The following PLD5 variants were observed in gnomAD, a reference collection of about 807,000 sequenced individuals.
PLD5 encodes phospholipase D family member 5.
Under a neutral mutation model 61.1 loss-of-function variants are expected in PLD5, and 36 were observed. The ratio of observed to expected loss-of-function variants is 0.59; its 90% CI spans 0.45 to 0.78. The LOEUF (loss-of-function observed/expected upper bound fraction) is 0.78, where lower values mean the gene tolerates loss of function less well. Among genes scored for constraint, PLD5 ranks in the 30% least tolerant of loss-of-function variants. PLD5 has a pLI of 0.00. For synonymous variants in PLD5, 243 were observed against 242.8 expected (o/e 1.00, Z -0.01); for missense variants, 515 against 644.4 (o/e 0.80, Z 2.17).
At position 242,524,494 on chromosome 1, in the gene PLD5, G is replaced by A. The variant is rs1212270691; in HGVS notation, c.-218C>T. 6 of 257,976 alleles carry A rather than the reference G, an allele frequency of 2.3e-5. No homozygotes were observed. The highest frequency in any genetic ancestry group is 5.7e-5 in the Admixed American group (1 of 17,662). The allele number at this position is 257,976 out of a possible 1,614,324, so 16.0% of individuals were successfully genotyped here. ...GGAGGGGGCGATCGCGGGAGGCGCGGGGCGGAAGGAGGGAGGGCGAGGTGC... is the reference window on the plus strand; with the variant it reads ...GGAGGGGGCGATCGCGGGAGGCGCGAGGCGGAAGGAGGGAGGGCGAGGTGC... On this transcript the variant is annotated 5_prime_UTR_variant, in exon 1 of 10. Transcript: ENST00000536534.
At chr1:242,462,511 T>C (rs1667148350) in intron 1 of PLD5, among the ~76,000 whole-genome samples, 1 of 151,792 alleles carries the variant, frequency 6.6e-6, no homozygotes, top group Non-Finnish European at 1.5e-5. Context: ...AAACTACTTA[T>C]GCTCACCGCC....
intron 1 of PLD5, among the ~76,000 whole-genome samples, chr1:242,403,631 A>AT (rs113523002): frequency 0.086 from 13,051 of 151,728 alleles, 614 homozygotes; most frequent in Middle Eastern, 0.19. Context: ...GGCCTGGGTA[A>AT]TTTTTTGTAT....
At chr1:242,138,856 T>C (rs1275753229) in intron 5 of PLD5, among the ~76,000 whole-genome samples, 2 of 152,236 alleles carry the variant, frequency 1.3e-5, no homozygotes, top group African/African-American at 4.8e-5. Context: ...TACTCCTACC[T>C]GCCAGGATTA....
chr1:242,253,475 G>A lies in PLD5; in HGVS notation c.607+11862C>T, dbSNP rs181693696. ...ACTACAGGTGCCTGCCACCACGCCC[G>A]GCTAATTTTTTGTATTTTTAGTAGA... On this transcript the variant is annotated intron_variant, in intron 4 of 9. Coordinates refer to ENST00000536534, the MANE Select transcript of PLD5 (RefSeq NM_001372062.1). Among the ~76,000 whole-genome samples the A allele has an allele frequency of 7.5e-3, 1,140 of 151,780 alleles. 22 individuals are homozygous for A. Among genetic ancestry groups the A allele is most frequent in the African/African-American group, 0.025 (1,053 of 41,388 alleles).
At chr1:242,217,250 G>A (rs1252085682) in intron 5 of PLD5, among the ~76,000 whole-genome samples, 1 of 152,204 alleles carries the variant, frequency 6.6e-6, no homozygotes, top group Admixed American at 6.5e-5. Flanking sequence ...AGCTACCATA[G>A]ACAGTTATTC....
intron 1 of PLD5, among the ~76,000 whole-genome samples, chr1:242,520,119 G>C (rs1316328656): frequency 6.6e-6 from 1 of 152,104 alleles, no homozygotes; most frequent in African/African-American, 2.4e-5. Flanking sequence ...ACCTTTCTTT[G>C]GCCAATACAC....
chr1:242,261,535 T>C (rs1673369631), intron 4 of PLD5, among the ~76,000 whole-genome samples: 1 of 152,166 alleles, frequency 6.6e-6, no homozygotes, highest in African/African-American at 2.4e-5. Context: ...TCCATTTATG[T>C]AAACACATCC....
At chr1:242,514,462 A>G (rs1389927533) in intron 1 of PLD5, among the ~76,000 whole-genome samples, 1 of 152,142 alleles carries the variant, frequency 6.6e-6, no homozygotes, top group African/African-American at 2.4e-5. Context: ...CCTGGAAGGA[A>G]CTCCAGAAAA....
chr1:242,089,827 A>G lies in PLD5; in HGVS notation c.*27T>C. The G allele has an allele frequency of 6.2e-7, 1 of 1,613,390 alleles. No individual in the cohort carries two copies. Among genetic ancestry groups the G allele is most frequent in the Non-Finnish European group, 8.5e-7 (1 of 1,179,352 alleles). On this transcript the variant is annotated 3_prime_UTR_variant, in exon 10 of 10. Coordinates refer to ENST00000536534, the MANE Select transcript of PLD5 (RefSeq NM_001372062.1). ...CTTTATGTATAAATATGAAATACAGAGCTGTCCTGTCAGTTTCTTCATCAT... is the reference window on the plus strand; with the variant it reads ...CTTTATGTATAAATATGAAATACAGGGCTGTCCTGTCAGTTTCTTCATCAT...
At chr1:242,410,144 T>C (rs1177315828) in intron 1 of PLD5, among the ~76,000 whole-genome samples, 2 of 152,208 alleles carry the variant, frequency 1.3e-5, no homozygotes, top group Non-Finnish European at 2.9e-5. Context: ...TGGCTACTTC[T>C]TGCTGAAAAG....
intron 8 of PLD5, among the ~76,000 whole-genome samples, chr1:242,105,090 T>C (rs1264166085): frequency 6.6e-6 from 1 of 152,204 alleles, no homozygotes; most frequent in Non-Finnish European, 1.5e-5. Context: ...ACTCATGTTA[T>C]ACAGTGACAA....
In PLD5 at chr1:242,458,583, T is replaced by C. The variant is rs1441072428; in HGVS notation, c.189+65505A>G. Among the ~76,000 whole-genome samples the C allele has an allele frequency of 5.9e-5, 9 of 152,228 alleles. No homozygotes were observed. In the East Asian group the frequency reaches 1.7e-3, roughly 29 times the overall value. ...AGAGTTTGGGCTGGAGAAAGTGTTA[T>C]AAGTAAATCCACCTTGTCACCTCAA... On this transcript the variant is annotated intron_variant, in intron 1 of 9. Coordinates refer to ENST00000536534, the MANE Select transcript of PLD5 (RefSeq NM_001372062.1).
intron 1 of PLD5, among the ~76,000 whole-genome samples, chr1:242,391,871 A>T (rs982949544): frequency 6.6e-6 from 1 of 152,198 alleles, no homozygotes; most frequent in African/African-American, 2.4e-5. Context: ...AGAACTTAAA[A>T]CAGAACCACC....
chr1:242,187,518 A>G (rs2148918644), intron 5 of PLD5, among the ~76,000 whole-genome samples: 1 of 152,316 alleles, frequency 6.6e-6, no homozygotes, highest in African/African-American at 2.4e-5. Context: ...TAATATACAA[A>G]TATATAAATA....
At chr1:242,325,488 T>G (rs12738084) in intron 2 of PLD5, among the ~76,000 whole-genome samples, 3 of 145,598 alleles carry the variant, frequency 2.1e-5, no homozygotes, top group East Asian at 2.0e-4. Context: ...GGAGAGAAGG[T>G]GGAGAGAAGA....
intron 5 of PLD5, among the ~76,000 whole-genome samples, chr1:242,130,054 CTT>C (rs561595174): frequency 1.1e-4 from 16 of 143,006 alleles, no homozygotes; most frequent in Admixed American, 2.8e-4. Flanking sequence ...TGATGAACAT[CTT>C]TTTTTTTTTT....
chr1:242,091,832 CTT>C (rs750237371), intron 9 of PLD5, among the ~76,000 whole-genome samples: 12 of 123,398 alleles, frequency 9.7e-5, no homozygotes, highest in Non-Finnish European at 8.7e-5. Context: ...TTCTTTTTTT[CTT>C]TTTTTTTTTT....
intron 5 of PLD5, among the ~76,000 whole-genome samples, chr1:242,198,991 C>T (rs1668821659): frequency 6.6e-6 from 1 of 152,288 alleles, no homozygotes; most frequent in South Asian, 2.1e-4. Context: ...GCCTCAGCTT[C>T]CCAAAGTGTT....
At chr1:242,375,910 T>G (rs1483178989) in intron 1 of PLD5, among the ~76,000 whole-genome samples, 1 of 152,104 alleles carries the variant, frequency 6.6e-6, no homozygotes, top group Non-Finnish European at 1.5e-5. Flanking sequence ...ACCAGAACAT[T>G]TGGCAGCAGC....
Sources: allele counts gnomAD v4.1 joint callset (sites outside exome capture counted in the v4.1 genomes callset), GRCh38; gene constraint gnomAD v4.1.1; transcripts MANE v1.5; gene names NCBI Gene and HGNC (gene_info 2026-07-23, HGNC 2026-07-21).